Variants in KCNH1 observed in about 807,000 individuals in gnomAD.
KCNH1 encodes voltage-gated delayed rectifier potassium channel KCNH1.
KCNH1 carries 27 observed loss-of-function variants against 69.2 expected under a neutral mutation model. The ratio of observed to expected loss-of-function variants is 0.39; its 90% CI spans 0.29 to 0.54. The LOEUF (loss-of-function observed/expected upper bound fraction) is 0.54. KCNH1 is among the 20% of genes least tolerant of loss of function. The probability of loss-of-function intolerance (pLI) is 0.68; values close to 1 mark genes in which losing one functional copy is unlikely to be tolerated. For missense variants in KCNH1, 798 were observed against 1,261.6 expected (o/e 0.63, Z 5.57); for synonymous variants, 456 against 487.7 (o/e 0.93, Z 0.86).
At chr1:210,730,533 G>A (rs1461771571) in intron 10 of KCNH1, among the ~76,000 whole-genome samples, 3 of 151,784 alleles carry the variant, frequency 2.0e-5, no homozygotes, top group East Asian at 3.9e-4. Flanking sequence ...CTACAATTTT[G>A]AGTGTGCCTA....
At chr1:210,693,498 A>C (rs1681568789) in intron 10 of KCNH1, among the ~76,000 whole-genome samples, 1 of 152,214 alleles carries the variant, frequency 6.6e-6, no homozygotes, top group Admixed American at 6.5e-5. Flanking sequence ...GACTAAAGCT[A>C]ATCACAGATA....
chr1:210,826,906 G>T (rs1453254924), intron 7 of KCNH1, among the ~76,000 whole-genome samples: 1 of 152,352 alleles, frequency 6.6e-6, no homozygotes, highest in African/African-American at 2.4e-5. Context: ...AAGGCTGCCA[G>T]TGCCTGCGGA....
At chr1:210,684,647 G>C (rs955230428) in intron 10 of KCNH1, among the ~76,000 whole-genome samples, 1 of 152,222 alleles carries the variant, frequency 6.6e-6, no homozygotes, top group Admixed American at 6.5e-5. Flanking sequence ...CCCAGGCAAG[G>C]CTACAGCTAA....
chr1:210,680,907 C>T lies in KCNH1; in HGVS notation c.*2374G>A, dbSNP rs867977248. ...TTCAAAGCCTTATACCATCTTTGCC[C>T]CTCATACCCAGAGGTCTGAGAAATT... On this transcript the variant is annotated 3_prime_UTR_variant, in exon 11 of 11. Transcript: ENST00000271751. The T allele has an allele frequency of 6.6e-6, 1 of 152,332 alleles. No homozygotes were observed. The highest frequency in any genetic ancestry group is 3.4e-3 in the Middle Eastern group (1 of 294). The allele number at this position is 152,332 out of a possible 1,614,324, so 9.4% of individuals were successfully genotyped here.
chr1:210,976,246 C>T (rs1179720191), intron 6 of KCNH1, among the ~76,000 whole-genome samples: 1 of 151,900 alleles, frequency 6.6e-6, no homozygotes, highest in Non-Finnish European at 1.5e-5. Context: ...CATCCCATTA[C>T]TGGGTACATA....
At chr1:211,014,358 A>G (rs575085033) in intron 6 of KCNH1, among the ~76,000 whole-genome samples, 1 of 152,268 alleles carries the variant, frequency 6.6e-6, no homozygotes, top group South Asian at 2.1e-4. Flanking sequence ...CAGACCTTTT[A>G]TCCTCCGAAC....
intron 1 of KCNH1, among the ~76,000 whole-genome samples, chr1:211,115,243 C>T (rs1470070214): frequency 6.6e-6 from 1 of 152,164 alleles, no homozygotes; most frequent in African/African-American, 2.4e-5. Flanking sequence ...CCGGCCTTGG[C>T]CTCCCAAAGT....
chr1:210,832,121 C>CA (rs922945492), intron 7 of KCNH1, among the ~76,000 whole-genome samples: 22 of 151,626 alleles, frequency 1.5e-4, no homozygotes, highest in African/African-American at 2.4e-4. Context: ...AATAGTTTCT[C>CA]AAAAAAAAGA....
chr1:210,750,833 C>T (rs1485202300), intron 10 of KCNH1, among the ~76,000 whole-genome samples: 2 of 151,990 alleles, frequency 1.3e-5, no homozygotes, highest in African/African-American at 4.8e-5. Context: ...CTATTAGAAT[C>T]CAAGTTTGGG....
intron 10 of KCNH1, among the ~76,000 whole-genome samples, chr1:210,719,955 G>A (rs1682413079): frequency 6.6e-6 from 1 of 152,136 alleles, no homozygotes; most frequent in African/African-American, 2.4e-5. Flanking sequence ...AGCGCTATGT[G>A]TGTAAATGTC....
At chr1:210,766,594 G>GC (rs547014329) in intron 10 of KCNH1, among the ~76,000 whole-genome samples, 133 of 152,288 alleles carry the variant, frequency 8.7e-4, no homozygotes, top group African/African-American at 2.9e-3. Context: ...AAGACAAGGG[G>GC]CTTCATCTAG....
At chr1:211,071,942 C>A (rs1337617853) in intron 5 of KCNH1, among the ~76,000 whole-genome samples, 1 of 152,068 alleles carries the variant, frequency 6.6e-6, no homozygotes, top group African/African-American at 2.4e-5. Context: ...AAAAAACCCA[C>A]CAACCTAGAA....
intron 10 of KCNH1, among the ~76,000 whole-genome samples, chr1:210,725,212 T>C (rs563867662): frequency 3.6e-4 from 55 of 152,326 alleles, no homozygotes; most frequent in African/African-American, 1.3e-3. Context: ...AGCCCGTAGC[T>C]GCACTACACA....
intron 10 of KCNH1, among the ~76,000 whole-genome samples, chr1:210,714,525 C>T (rs574979481): frequency 3.3e-5 from 5 of 152,210 alleles, no homozygotes; most frequent in African/African-American, 7.2e-5. Context: ...CACAACGGTA[C>T]GTGCAATGAG....
intron 6 of KCNH1, among the ~76,000 whole-genome samples, chr1:210,981,585 T>C (rs970634849): frequency 3.3e-5 from 5 of 152,096 alleles, no homozygotes; most frequent in African/African-American, 1.2e-4. Context: ...ACTATCTCTA[T>C]AAATACTATC....
At chr1:210,898,189 GA>G (rs1380982288) in intron 7 of KCNH1, among the ~76,000 whole-genome samples, 1 of 152,152 alleles carries the variant, frequency 6.6e-6, no homozygotes, top group Non-Finnish European at 1.5e-5. Context: ...GTCGTTTGTG[GA>G]GCTGACCTGC....
At chr1:211,095,194 C>A (rs1463295674) in intron 3 of KCNH1, among the ~76,000 whole-genome samples, 1 of 152,202 alleles carries the variant, frequency 6.6e-6, no homozygotes, top group African/African-American at 2.4e-5. Flanking sequence ...AGTTAAATTT[C>A]TGCCTCCTTA....
At chr1:210,909,502 C>T (rs564715870) in intron 7 of KCNH1, among the ~76,000 whole-genome samples, 33 of 152,326 alleles carry the variant, frequency 2.2e-4, no homozygotes, top group Middle Eastern at 3.4e-3. Context: ...AGGGAAGCAT[C>T]TTTACCTTCA....
intron 7 of KCNH1, among the ~76,000 whole-genome samples, chr1:210,836,288 T>A (rs552470026): frequency 5.3e-5 from 8 of 152,168 alleles, no homozygotes; most frequent in African/African-American, 1.7e-4. Flanking sequence ...GGCATATAGG[T>A]AATAGAACTG....
Sources: allele counts gnomAD v4.1 joint callset (sites outside exome capture counted in the v4.1 genomes callset), GRCh38; gene constraint gnomAD v4.1.1; transcripts MANE v1.5; gene names NCBI Gene and HGNC (gene_info 2026-07-23, HGNC 2026-07-21).